DNAJC11: variants seen among roughly 807,000 people sequenced by gnomAD.
DNAJC11 encodes the protein dnaJ homolog subfamily C member 11.
Under a neutral mutation model 78.6 loss-of-function variants are expected in DNAJC11, and 15 were observed. The observed-to-expected ratio is 0.19, with a 90% CI of 0.13 to 0.29. DNAJC11 has a LOEUF of 0.29. Among genes scored for constraint, DNAJC11 ranks in the 10% least tolerant of loss-of-function variants. DNAJC11 has a pLI of 1.00. For missense variants in DNAJC11, 547 were observed against 709.6 expected, an observed-to-expected ratio of 0.77 and a Z score of 2.60; for synonymous variants, 292 against 272.1, an observed-to-expected ratio of 1.07 and a Z score of -0.72.
At chr1:6,669,918 GAA>G (rs1037070929) in intron 3 of DNAJC11, among the ~76,000 whole-genome samples, 9 of 151,928 alleles carry the variant, frequency 5.9e-5, no homozygotes, top group African/African-American at 2.2e-4. Flanking sequence ...TGTGATGTGA[GAA>G]AAAGTTTCCT....
At chr1:6,674,396 A>T (rs1642427704) in intron 3 of DNAJC11, among the ~76,000 whole-genome samples, 2 of 152,042 alleles carry the variant, frequency 1.3e-5, no homozygotes, top group Admixed American at 1.3e-4. Flanking sequence ...CTCTGTCTCT[A>T]CCAAAAATAC....
intron 4 of DNAJC11, among the ~76,000 whole-genome samples, chr1:6,659,494 T>C (rs1186092445): frequency 2.0e-5 from 3 of 152,094 alleles, no homozygotes; most frequent in Non-Finnish European, 4.4e-5. Flanking sequence ...GCATGGTGGC[T>C]CACACCTGTA....
chr1:6,640,931 C>T (rs1303492639), intron 10 of DNAJC11, among the ~76,000 whole-genome samples: 1 of 152,094 alleles, frequency 6.6e-6, no homozygotes, highest in Non-Finnish European at 1.5e-5. Context: ...TAGGAAACCC[C>T]AAGCATCATA....
At chr1:6,654,474 A>G (rs1228946259) in intron 4 of DNAJC11, among the ~76,000 whole-genome samples, 1 of 152,206 alleles carries the variant, frequency 6.6e-6, no homozygotes, top group Non-Finnish European at 1.5e-5. Flanking sequence ...CTTTAAATAA[A>G]AATACCTTCA....
At chr1:6,646,036 T>A (rs939287816) in intron 7 of DNAJC11, 58 bp from the exon 8 acceptor site, 2 of 1,557,508 alleles carry the variant, frequency 1.3e-6, no homozygotes, top group African/African-American at 2.7e-5. Flanking sequence ...AGCTGTTCTG[T>A]TACTTCCTCT....
Position 6,635,213 on chromosome 1 carries a change from G to A in DNAJC11, c.*462C>T. Reference sequence around the variant, plus strand: ...GAGGTGGTCATGGGAAGCCAGCACAGCAGAGGCTCCCTGACCGGGAGGCCT... The same window carrying A: ...GAGGTGGTCATGGGAAGCCAGCACAACAGAGGCTCCCTGACCGGGAGGCCT... On this transcript the variant is annotated 3_prime_UTR_variant, in exon 16 of 16. Coordinates refer to ENST00000377577, the MANE Select transcript of DNAJC11 (RefSeq NM_018198.4). 1.2e-5 allele frequency: 2 copies of A among 173,190 alleles called. No homozygotes were observed. Among genetic ancestry groups the A allele is most frequent in the South Asian group, 2.8e-4 (2 of 7,254 alleles). 10.7% of individuals were successfully genotyped at this position (173,190 alleles called of 1,614,324 possible).
At chr1:6,698,656 T>C (rs1642878418) in intron 1 of DNAJC11, among the ~76,000 whole-genome samples, 1 of 152,028 alleles carries the variant, frequency 6.6e-6, no homozygotes, top group Non-Finnish European at 1.5e-5. Context: ...AAGAAATATT[T>C]TTTGGCTGGG....
chr1:6,668,578 T>C (rs1642327775), intron 3 of DNAJC11, among the ~76,000 whole-genome samples: 1 of 152,156 alleles, frequency 6.6e-6, no homozygotes, highest in Non-Finnish European at 1.5e-5. Flanking sequence ...ACCAAGGATC[T>C]CGAGCTGTCG....
rs768039589 is a variant in DNAJC11, at chr1:6,637,528, A to T, written c.1324-24T>A. ...ACCTGCCAGAGAACAAGGATGACAC[A>T]GTCAGGGCCCTGCCAGGCCTGTTCC... On this transcript the variant is annotated intron_variant, in intron 12 of 15. Coordinates refer to ENST00000377577, the MANE Select transcript of DNAJC11 (RefSeq NM_018198.4). 6 of 1,613,926 alleles carry T rather than the reference A, an allele frequency of 3.7e-6. No homozygotes were observed. In the Admixed American group the frequency reaches 1.0e-4, roughly 27 times the overall value.
chr1:6,671,959 C>G (rs1166753844), intron 3 of DNAJC11, among the ~76,000 whole-genome samples: 1 of 152,146 alleles, frequency 6.6e-6, no homozygotes, highest in Non-Finnish European at 1.5e-5. Flanking sequence ...CTCAGCCTCC[C>G]GAGTAGCTGG....
Position 6,686,977 on chromosome 1 carries a change from T to A in DNAJC11, c.73-5940A>T, listed in dbSNP as rs551204151. 4.6e-5 allele frequency among the ~76,000 whole-genome samples: 7 copies of A among 152,332 alleles called. No individual in the cohort carries two copies. In the South Asian group the frequency reaches 1.5e-3, roughly 32 times the overall value. ...TGGGAAGTTTGCCTGATTACCACAA[T>A]TGAAGATTCATTACTGTCCATATGT... On this transcript the variant is annotated intron_variant, in intron 1 of 15. Coordinates refer to ENST00000377577, the MANE Select transcript of DNAJC11 (RefSeq NM_018198.4).
intron 1 of DNAJC11, 139 bp downstream of exon 1, chr1:6,701,590 T>G (rs993015891): frequency 7.4e-6 from 6 of 815,842 alleles, no homozygotes; most frequent in Admixed American, 4.3e-5. Context: ...GCGGCTGGCG[T>G]GCACGTCGCC....
chr1:6,638,436 G>T, intron 11 of DNAJC11, 72 bp from the exon 12 acceptor site: 1 of 1,467,982 alleles, frequency 6.8e-7, no homozygotes. Flanking sequence ...AGCCCCTCCC[G>T]TGCTGGACCC....
At chr1:6,636,855 T>A (rs1264985133) in intron 14 of DNAJC11, among the ~76,000 whole-genome samples, 2 of 152,154 alleles carry the variant, frequency 1.3e-5, no homozygotes, top group Non-Finnish European at 1.5e-5. Flanking sequence ...CCACTGTTTG[T>A]TTGTTTGTTT....
chr1:6,637,304 A>T lies in DNAJC11; in HGVS notation c.1418T>A (p.Val473Asp). The T allele has an allele frequency of 6.2e-7, 1 of 1,614,106 alleles. No homozygotes were observed. Among genetic ancestry groups the T allele is most frequent in the Non-Finnish European group, 8.5e-7 (1 of 1,180,024 alleles). The change falls in exon 14 of 16, where the codon GTC becomes GAC. Residue 473 changes from valine to aspartate, a missense_variant. Transcript: ENST00000377577. ...IIVNAWYGKF[V>D]NDKSRKSEKV... ...CTCGCTCTTCCTGCTCTTGTCATTG[A>T]CAAACTTCCCGTACCAGGCATTGAC... is the stretch of plus-strand genomic sequence containing the variant.
chr1:6,666,248 T>C (rs1421239579), intron 4 of DNAJC11, among the ~76,000 whole-genome samples: 1 of 152,238 alleles, frequency 6.6e-6, no homozygotes, highest in African/African-American at 2.4e-5. Flanking sequence ...TTCAAAGAGA[T>C]GGACATGTTC....
intron 3 of DNAJC11, among the ~76,000 whole-genome samples, chr1:6,677,465 A>G (rs993817494): frequency 6.6e-6 from 1 of 151,724 alleles, no homozygotes; most frequent in Non-Finnish European, 1.5e-5. Flanking sequence ...ACTAATTTTT[A>G]AAAAAATGTT....
intron 4 of DNAJC11, among the ~76,000 whole-genome samples, chr1:6,664,971 G>A (rs187785111): frequency 8.5e-5 from 13 of 152,238 alleles, no homozygotes; most frequent in Admixed American, 5.9e-4. Context: ...CGTTTCAGGC[G>A]GCAATATCAC....
rs1641945386 is a variant in DNAJC11, at chr1:6,645,104, G to A, written c.917C>T (p.Ala306Val). ...GAATTTGTGCTGATAGCTGATCAGT[G>A]CAAAGGAGTGAGGGATTCCCAGCTG... is the stretch of plus-strand genomic sequence containing the variant. Reference protein sequence around the residue: ...ALQLGIPHSFALISYQHKFQD... With the variant: ...ALQLGIPHSFVLISYQHKFQD... The change falls in exon 9 of 16, where the codon GCA (alanine) becomes GTA (valine). Residue 306 changes from alanine to valine, a missense_variant. Ala to Val is a moderately conservative substitution (Grantham distance 64). Transcript: ENST00000377577. The surrounding 1 kb of genome is among the most constrained non-coding windows in gnomAD (Gnocchi z 4.1). 1.2e-6 allele frequency: 2 copies of A among 1,613,376 alleles called. No homozygotes were observed. Among genetic ancestry groups the A allele is most frequent in the Non-Finnish European group, 8.5e-7 (1 of 1,179,512 alleles).
Sources: allele counts gnomAD v4.1 joint callset (sites outside exome capture counted in the v4.1 genomes callset), GRCh38; gene constraint gnomAD v4.1.1; non-coding constraint Gnocchi (gnomAD v3.1); transcripts MANE v1.5; gene names NCBI Gene and HGNC (gene_info 2026-07-23, HGNC 2026-07-21).